PRDM2: variants seen among roughly 807,000 people sequenced by gnomAD.
PRDM2 encodes the protein PR/SET domain 2, also known as PR domain zinc finger protein 2.
PRDM2 carries 30 observed loss-of-function variants against 130.0 expected under a neutral mutation model. The observed-to-expected ratio is 0.23, with a 90% CI of 0.17 to 0.31. The LOEUF is 0.31. PRDM2 is among the 10% of genes least tolerant of loss of function. PRDM2 has a pLI of 1.00. For synonymous variants in PRDM2, 871 were observed against 782.4 expected (o/e 1.11, Z -1.89); for missense variants, 2,011 against 2,108.4 (o/e 0.95, Z 0.90).
intron 4 of PRDM2, chr1:13,739,031 T>A (rs1235881904): frequency 6.6e-6 from 1 of 151,760 alleles, no homozygotes; most frequent in East Asian, 1.9e-4. Flanking sequence ...CAAATTGAGA[T>A]TATCTTTTTT....
intron 8 of PRDM2, among the ~76,000 whole-genome samples, chr1:13,793,946 A>G (rs1402053885): frequency 6.6e-6 from 1 of 152,174 alleles, no homozygotes; most frequent in Non-Finnish European, 1.5e-5. Context: ...CCAGACATTG[A>G]TTCTCCTGGG....
At position 13,781,207 on chromosome 1, in the gene PRDM2, G is replaced by A. The variant is rs775610527; in HGVS notation, c.3412G>A (p.Val1138Ile). ...ATTCAACAAAAACTTTGTTTGCAACGTCTGTGAATCACCTTTTCTTTCCAT... is the reference window on the plus strand; with the variant it reads ...ATTCAACAAAAACTTTGTTTGCAACATCTGTGAATCACCTTTTCTTTCCAT... The part of the protein sequence containing the change: ...ETFNKNFVCN[V>I]CESPFLSIKD... Residue 1138 changes from valine to isoleucine, a missense_variant, in exon 8 of 10, where the codon GTC becomes ATC. Physicochemically the swap from Val to Ile is conservative, Grantham distance 29. This residue lies in a region of PRDM2 where 229 missense variants were observed against 364.1 expected (regional missense o/e 0.63). Transcript: ENST00000311066. This position sits in a 1 kb window ranked among gnomAD's most constrained non-coding sequence, Gnocchi z 6.1. 5.0e-6 allele frequency: 8 copies of A among 1,614,180 alleles called. No individual in the cohort carries two copies. Among genetic ancestry groups the A allele is most frequent in the Non-Finnish European group, 5.9e-6 (7 of 1,180,036 alleles).
Position 13,778,558 on chromosome 1 carries a change from C to T in PRDM2, c.763C>T (p.Arg255Ter). ...AWEPQPEPDE[R>*]LEAAACEVND... The stretch of plus-strand genomic sequence containing the variant: ...GGAGCCACAGCCAGAACCAGACGAG[C>T]GATTAGAAGCGGCAGCTTGTGAGGT... The change falls in exon 8 of 10, where the codon CGA becomes TGA. Residue 255 changes from arginine (R) to a stop codon, truncating the protein, a stop_gained. Transcript: ENST00000311066. LOFTEE classifies it high-confidence loss of function. 1 of 1,613,576 alleles carries T rather than the reference C, an allele frequency of 6.2e-7. No individual in the cohort carries two copies. Among genetic ancestry groups the T allele is most frequent in the Non-Finnish European group, 8.5e-7 (1 of 1,179,976 alleles).
In PRDM2 at chr1:13,802,356, C is replaced by T. The variant is rs149450342; in HGVS notation, c.5037-14071C>T. Among the ~76,000 whole-genome samples the T allele has an allele frequency of 3.7e-3, 558 of 152,318 alleles. 1 individual carries two copies. The highest frequency in any genetic ancestry group is 0.01 in the Middle Eastern group (3 of 294). On this transcript the variant is annotated intron_variant, in intron 8 of 9. Transcript: ENST00000311066. ...CTCTTGGGTAGCAAAGAACCCCAAG[C>T]TCCCACAGGCTTCTTGAGCATCGAG...
At chr1:13,760,008 G>A (rs1170972060) in intron 6 of PRDM2, among the ~76,000 whole-genome samples, 1 of 152,024 alleles carries the variant, frequency 6.6e-6, no homozygotes, top group Non-Finnish European at 1.5e-5. Flanking sequence ...GTGGGTCATG[G>A]GCTTGTTTGA....
chr1:13,786,975 C>G, intron 8 of PRDM2: 11 of 988,622 alleles, frequency 1.1e-5, no homozygotes, highest in Non-Finnish European at 1.3e-5. Context: ...GGTCACATAT[C>G]AGCTCTTGAT....
intron 2 of PRDM2, among the ~76,000 whole-genome samples, chr1:13,719,662 T>C (rs1021259053): frequency 3.2e-4 from 49 of 152,354 alleles, no homozygotes; most frequent in African/African-American, 1.1e-3. Context: ...ACTCCTGTTC[T>C]TTTTAAAAAA....
At chr1:13,796,858 A>G (rs975941296) in intron 8 of PRDM2, among the ~76,000 whole-genome samples, 5 of 152,242 alleles carry the variant, frequency 3.3e-5, no homozygotes, top group Non-Finnish European at 5.9e-5. Flanking sequence ...TAAGTATAAC[A>G]CACCGTATAA....
chr1:13,804,059 A>G (rs746019907), intron 8 of PRDM2, among the ~76,000 whole-genome samples: 1 of 151,642 alleles, frequency 6.6e-6, no homozygotes, highest in Non-Finnish European at 1.5e-5. Flanking sequence ...TTCTATTCAC[A>G]CCTCTTAAGT....
chr1:13,749,290 G>A (rs1569853479), intron 5 of PRDM2, 71 bp from the exon 6 acceptor site: 9 of 1,274,470 alleles, frequency 7.1e-6, no homozygotes, highest in Admixed American at 2.7e-5. Flanking sequence ...CCCGCGTCCC[G>A]GTGCGCGCCC....
At chr1:13,760,750 AAC>A (rs1644077614) in intron 6 of PRDM2, among the ~76,000 whole-genome samples, 1 of 152,164 alleles carries the variant, frequency 6.6e-6, no homozygotes, top group Admixed American at 6.5e-5. Flanking sequence ...ACATTATAGG[AAC>A]ATTCCTGGCA....
chr1:13,780,115 A>G lies in PRDM2; in HGVS notation c.2320A>G (p.Lys774Glu). 1 of 1,612,194 alleles carries G rather than the reference A, an allele frequency of 6.2e-7. No homozygotes were observed. Among genetic ancestry groups the G allele is most frequent in the Non-Finnish European group, 8.5e-7 (1 of 1,178,658 alleles). The change falls in exon 8 of 10, where the codon AAA (lysine) becomes GAA (glutamate). Residue 774 changes from lysine (K) to glutamate (E), a missense_variant. This residue lies in a region of PRDM2 where 1,288 missense variants were observed against 1,237.7 expected (regional missense o/e 1.04). Transcript: ENST00000311066. Reference protein sequence around the residue: ...TDAGLTSKKSKLESHSDSPAW... With the variant: ...TDAGLTSKKSELESHSDSPAW... Reference sequence around the variant, plus strand: ...TGCCGGGCTGACTTCCAAAAAATCCAAATTAGAAAGTCACAGCGACTCACC... The same window carrying G: ...TGCCGGGCTGACTTCCAAAAAATCCGAATTAGAAAGTCACAGCGACTCACC...
chr1:13,816,273 C>T (rs1047035025), intron 8 of PRDM2, among the ~76,000 whole-genome samples, 154 bp from the exon 9 acceptor site: 6 of 152,178 alleles, frequency 3.9e-5, no homozygotes, highest in African/African-American at 1.4e-4. Flanking sequence ...GTCCTATTAG[C>T]TGATGCCAGG....
chr1:13,760,854 TAA>T (rs144432886), intron 6 of PRDM2, among the ~76,000 whole-genome samples: 1,759 of 143,270 alleles, frequency 0.012, 16 homozygotes, highest in Middle Eastern at 0.036. Flanking sequence ...GGCACACTTC[TAA>T]AAAAAAAAAA....
chr1:13,757,778 C>CTTTTTTTTTTTTTT, intron 6 of PRDM2, among the ~76,000 whole-genome samples: 1 of 105,906 alleles, frequency 9.4e-6, no homozygotes, highest in Non-Finnish European at 1.9e-5. Context: ...AGGTGGATAG[C>CTTTTTTTTTTTTTT]TTTTTTTTTT....
At chr1:13,796,546 A>G (rs1041842750) in intron 8 of PRDM2, among the ~76,000 whole-genome samples, 1 of 152,208 alleles carries the variant, frequency 6.6e-6, no homozygotes, top group African/African-American at 2.4e-5. Context: ...ATTTGAACTC[A>G]GGAGTTCAAG....
chr1:13,708,463 C>G (rs1402921254), intron 1 of PRDM2, among the ~76,000 whole-genome samples: 2 of 152,064 alleles, frequency 1.3e-5, no homozygotes, highest in African/African-American at 2.4e-5. Flanking sequence ...AACAGCAGAC[C>G]CTTGGTTTTT....
chr1:13,782,012 G>T lies in PRDM2; in HGVS notation c.4217G>T (p.Ser1406Ile), dbSNP rs1214995643. 6.2e-7 allele frequency: 1 copy of T among 1,614,060 alleles called. No individual in the cohort carries two copies. Among genetic ancestry groups the T allele is most frequent in the Non-Finnish European group, 8.5e-7 (1 of 1,180,052 alleles). The change falls in exon 8 of 10, where the codon AGT (serine) becomes ATT (isoleucine). Residue 1406 changes from serine to isoleucine, a missense_variant. By Grantham distance (142) the Ser-to-Ile change is moderately radical. Transcript: ENST00000311066. ...RMGQPKRLNF[S>I]VELSKMSSNK... ...GGACAGCCCAAAAGGCTTAACTTTA[G>T]TGTTGAGCTCAGCAAAATGTCGTCG... is the stretch of plus-strand genomic sequence containing the variant.
chr1:13,700,279 G>A lies in PRDM2; in HGVS notation c.-87G>A, dbSNP rs928316783. ...GCGGCGGCGGCCCTCGGTGCTCTGA[G>A]GCGCTGGCGCGGCGGGCGCGGGTAA... On this transcript the variant is annotated 5_prime_UTR_variant, in exon 1 of 10. Transcript: ENST00000311066. The A allele has an allele frequency of 4.0e-5, 6 of 150,100 alleles. No homozygotes were observed. The highest frequency in any genetic ancestry group is 6.7e-5 in the Admixed American group (1 of 14,966). 9.3% of individuals were successfully genotyped at this position (150,100 alleles called of 1,614,324 possible). A position where few individuals can be genotyped will look rare whatever the true frequency, so the allele number is the denominator to read the frequency against.
Sources: allele counts gnomAD v4.1 joint callset (sites outside exome capture counted in the v4.1 genomes callset), GRCh38; gene constraint gnomAD v4.1.1; regional missense constraint gnomAD v4.1.1; non-coding constraint Gnocchi (gnomAD v3.1); transcripts MANE v1.5; gene names NCBI Gene and HGNC (gene_info 2026-07-23, HGNC 2026-07-21).